The following CDH18 variants were observed in gnomAD, a reference collection of about 807,000 sequenced individuals.
CDH18 encodes cadherin 18, also known as cadherin-18.
Under a neutral mutation model 67.9 loss-of-function variants are expected in CDH18, and 31 were observed. The ratio of observed to expected loss-of-function variants is 0.46; its 90% CI spans 0.34 to 0.62. The LOEUF (loss-of-function observed/expected upper bound fraction) is 0.62. Ranked by LOEUF, CDH18 falls within the 20% of genes least tolerant of loss-of-function variation. The pLI is 0.01. For missense variants in CDH18, 890 were observed against 975.5 expected (o/e 0.91, Z 1.17); for synonymous variants, 362 against 347.2 (o/e 1.04, Z -0.48).
chr5:19,881,463 T>G (rs62352213), intron 2 of CDH18, among the ~76,000 whole-genome samples: 2 of 151,698 alleles, frequency 1.3e-5, no homozygotes, highest in South Asian at 4.2e-4. Context: ...TCTAGTCTAA[T>G]GTTCATTATT....
At chr5:19,538,500 T>C (rs976222651) in intron 9 of CDH18, among the ~76,000 whole-genome samples, 1 of 152,184 alleles carries the variant, frequency 6.6e-6, no homozygotes, top group Non-Finnish European at 1.5e-5. Context: ...GTCATCTTTA[T>C]CGCACTCATA....
At chr5:20,328,214 A>T (rs1738794401) in intron 1 of CDH18, among the ~76,000 whole-genome samples, 1 of 152,194 alleles carries the variant, frequency 6.6e-6, no homozygotes, top group South Asian at 2.1e-4. Context: ...TCTGCCTAGC[A>T]CAAGATCAGG....
intron 3 of CDH18, among the ~76,000 whole-genome samples, chr5:19,788,420 T>G (rs897371938): frequency 6.6e-6 from 1 of 152,176 alleles, no homozygotes; most frequent in African/African-American, 2.4e-5. Context: ...AAAAAATACA[T>G]GTAGTTGATG....
At chr5:20,389,163 C>G (rs1334447244) in intron 1 of CDH18, among the ~76,000 whole-genome samples, 1 of 152,050 alleles carries the variant, frequency 6.6e-6, no homozygotes, top group East Asian at 1.9e-4. Context: ...GTTAAAGTCT[C>G]CCACTATTAT....
intron 2 of CDH18, among the ~76,000 whole-genome samples, chr5:20,130,100 G>C (rs541261030): frequency 1.2e-5 from 1 of 83,318 alleles, no homozygotes; most frequent in East Asian, 4.6e-4. Flanking sequence ...ATTATTGAAT[G>C]TGTTTGGAAA....
At chr5:20,236,754 T>C (rs1742502640) in intron 2 of CDH18, among the ~76,000 whole-genome samples, 1 of 152,064 alleles carries the variant, frequency 6.6e-6, no homozygotes, top group Non-Finnish European at 1.5e-5. Context: ...CTTCCAAATA[T>C]TGTAAGAAGA....
At chr5:20,298,865 GAA>G (rs1175175260) in intron 1 of CDH18, among the ~76,000 whole-genome samples, 1 of 151,774 alleles carries the variant, frequency 6.6e-6, no homozygotes, top group Non-Finnish European at 1.5e-5. Flanking sequence ...AAGAACTGAA[GAA>G]AAAAAACATT....
intron 2 of CDH18, among the ~76,000 whole-genome samples, chr5:20,153,179 T>C (rs1050370700): frequency 6.6e-6 from 1 of 151,966 alleles, no homozygotes; most frequent in Non-Finnish European, 1.5e-5. Flanking sequence ...CCTGACCTTG[T>C]GATCTGCTTG....
chr5:20,398,749 A>ATG (rs1745497857), intron 1 of CDH18, among the ~76,000 whole-genome samples: 1 of 129,750 alleles, frequency 7.7e-6, no homozygotes, highest in Admixed American at 7.6e-5. Context: ...GTATACCTAC[A>ATG]TAAAAAACCA....
At chr5:20,465,819 T>G (rs1326486514) in intron 1 of CDH18, among the ~76,000 whole-genome samples, 1 of 152,022 alleles carries the variant, frequency 6.6e-6, no homozygotes, top group Non-Finnish European at 1.5e-5. Context: ...TAATGTAAAT[T>G]AAAATACAGT....
At chr5:20,316,187 T>C (rs1737444289) in intron 1 of CDH18, among the ~76,000 whole-genome samples, 1 of 152,160 alleles carries the variant, frequency 6.6e-6, no homozygotes, top group African/African-American at 2.4e-5. Flanking sequence ...TAACTTTTTA[T>C]TCATTTTGAA....
At position 19,851,077 on chromosome 5, in the gene CDH18, T is replaced by G. The variant is rs577344131; in HGVS notation, c.-256-11835A>C. 2.0e-4 allele frequency among the ~76,000 whole-genome samples: 31 copies of G among 151,898 alleles called. 1 individual carries two copies. The South Asian group carries it at 6.0e-3, about 29-fold the overall frequency. On this transcript the variant is annotated intron_variant, in intron 2 of 12. Coordinates refer to ENST00000382275, the MANE Select transcript of CDH18 (RefSeq NM_004934.5). ...GTTGAATATTAGTGAAAAGTAATAA[T>G]AAGACTCACAAAAACAACAAAACAG...
intron 2 of CDH18, among the ~76,000 whole-genome samples, chr5:20,127,536 A>C (rs868364561): frequency 2.6e-5 from 4 of 152,176 alleles, no homozygotes; most frequent in Admixed American, 6.5e-5. Flanking sequence ...AAATCCCGTC[A>C]TATGGGACAA....
At chr5:20,553,683 AG>A (rs1363449585) in intron 1 of CDH18, among the ~76,000 whole-genome samples, 1 of 152,316 alleles carries the variant, frequency 6.6e-6, no homozygotes, top group East Asian at 1.9e-4. Context: ...TTGTAATTTT[AG>A]GGAAAACTAA....
At chr5:19,851,087 A>G (rs1352776820) in intron 2 of CDH18, among the ~76,000 whole-genome samples, 11 of 151,888 alleles carry the variant, frequency 7.2e-5, no homozygotes, top group Non-Finnish European at 1.3e-4. Context: ...TAAGACTCAC[A>G]AAAACAACAA....
intron 1 of CDH18, among the ~76,000 whole-genome samples, chr5:20,406,229 T>C (rs1746239277): frequency 6.6e-6 from 1 of 152,144 alleles, no homozygotes; most frequent in Admixed American, 6.5e-5. Context: ...GTGGCACATA[T>C]ACACCACGGA....
chr5:20,098,000 G>T (rs1270935711), intron 2 of CDH18, among the ~76,000 whole-genome samples: 2 of 151,646 alleles, frequency 1.3e-5, no homozygotes, highest in Non-Finnish European at 2.9e-5. Flanking sequence ...CTTCATGTAG[G>T]TTCTGTGCCA....
At chr5:20,381,318 C>A (rs1266894616) in intron 1 of CDH18, among the ~76,000 whole-genome samples, 1 of 151,708 alleles carries the variant, frequency 6.6e-6, no homozygotes, top group Non-Finnish European at 1.5e-5. Context: ...CAAATGCTAT[C>A]AAAAGGTTGG....
At chr5:19,546,482 T>C (rs550243490) in intron 8 of CDH18, among the ~76,000 whole-genome samples, 2 of 152,308 alleles carry the variant, frequency 1.3e-5, no homozygotes, top group African/African-American at 4.8e-5. Flanking sequence ...GGAACAGATA[T>C]AGAAATTTCC....
Sources: allele counts gnomAD v4.1 joint callset (sites outside exome capture counted in the v4.1 genomes callset), GRCh38; gene constraint gnomAD v4.1.1; transcripts MANE v1.5; gene names NCBI Gene and HGNC (gene_info 2026-07-23, HGNC 2026-07-21).